The following LHFPL3 variants were observed in gnomAD, a reference collection of about 807,000 sequenced individuals.
LHFPL3 encodes the protein LHFPL tetraspan subfamily member 3 protein.
LHFPL3 carries 5 observed loss-of-function variants against 19.3 expected under a neutral mutation model. The ratio of observed to expected loss-of-function variants is 0.26; its 90% CI spans 0.14 to 0.54. The LOEUF (loss-of-function observed/expected upper bound fraction) is 0.54. Among genes scored for constraint, LHFPL3 ranks in the 20% least tolerant of loss-of-function variants. The pLI, the probability that LHFPL3 is intolerant of heterozygous loss-of-function variation, is 0.94. For missense variants in LHFPL3, 249 were observed against 307.4 expected (o/e 0.81, Z 1.42); for synonymous variants, 133 against 126.2 (o/e 1.05, Z -0.36).
rs548687377 is a variant in LHFPL3 at position 104,515,784 on chromosome 7, G to A, written c.445+186560G>A. Among the ~76,000 whole-genome samples the A allele has an allele frequency of 5.9e-5, 9 of 152,290 alleles. No homozygotes were observed. In the South Asian group the frequency reaches 1.7e-3, roughly 28 times the overall value. ...AGAGTTGGGTCTGTAGGTAGGGTGT[G>A]TAAGAGTTGCCTGTGGAAAATACTG... On this transcript the variant is annotated intron_variant, in intron 1 of 2. Coordinates refer to ENST00000424859, the MANE Select transcript of LHFPL3 (RefSeq NM_199000.3).
chr7:104,357,757 T>TTCC (rs143282110), intron 1 of LHFPL3, among the ~76,000 whole-genome samples: 13 of 151,372 alleles, frequency 8.6e-5, no homozygotes, highest in Admixed American at 3.9e-4. Context: ...ATTTCTCCTC[T>TTCC]TCCTCCTCCT....
intron 2 of LHFPL3, chr7:104,768,678 G>A (rs1490156561): frequency 6.6e-6 from 1 of 152,154 alleles, no homozygotes; most frequent in African/African-American, 2.4e-5. Context: ...CAAAGGATTA[G>A]GTTGACTTTT....
chr7:104,574,774 C>T (rs928162466), intron 1 of LHFPL3, among the ~76,000 whole-genome samples: 1 of 151,990 alleles, frequency 6.6e-6, no homozygotes, highest in Non-Finnish European at 1.5e-5. Flanking sequence ...TGAGATTTTT[C>T]CCCAGTCCCA....
At chr7:104,393,257 C>T (rs1369921425) in intron 1 of LHFPL3, among the ~76,000 whole-genome samples, 1 of 152,106 alleles carries the variant, frequency 6.6e-6, no homozygotes, top group Non-Finnish European at 1.5e-5. Context: ...AATAGTCTGG[C>T]AGTTTCTCCA....
At chr7:104,590,476 G>C (rs1387717124) in intron 1 of LHFPL3, among the ~76,000 whole-genome samples, 1 of 152,196 alleles carries the variant, frequency 6.6e-6, no homozygotes, top group Non-Finnish European at 1.5e-5. Flanking sequence ...TGGTCTGAGA[G>C]ACAGTTTGTT....
chr7:104,591,950 C>T (rs774474390), intron 1 of LHFPL3, among the ~76,000 whole-genome samples: 15 of 152,296 alleles, frequency 9.8e-5, no homozygotes, highest in Non-Finnish European at 1.6e-4. Context: ...TCTCGTGCCA[C>T]GGTTTTCAGC....
intron 1 of LHFPL3, among the ~76,000 whole-genome samples, chr7:104,444,834 C>T (rs1044663955): frequency 2.0e-5 from 3 of 152,014 alleles, no homozygotes; most frequent in Admixed American, 2.0e-4. Flanking sequence ...ACAAAAAATA[C>T]AAAATTAGCC....
chr7:104,760,052 T>TA (rs1490267890), intron 2 of LHFPL3, among the ~76,000 whole-genome samples: 1 of 152,160 alleles, frequency 6.6e-6, no homozygotes, highest in Non-Finnish European at 1.5e-5. Flanking sequence ...AGCTTACTAT[T>TA]AAAGTACTTG....
At chr7:104,496,560 G>T (rs1793486080) in intron 1 of LHFPL3, among the ~76,000 whole-genome samples, 1 of 152,060 alleles carries the variant, frequency 6.6e-6, no homozygotes, top group South Asian at 2.1e-4. Context: ...CTTCCACAAG[G>T]GTTGAACTAG....
chr7:104,891,187 A>G (rs1373827973), intron 2 of LHFPL3, among the ~76,000 whole-genome samples: 6 of 151,800 alleles, frequency 4.0e-5, no homozygotes, highest in Admixed American at 3.9e-4. Flanking sequence ...ATAAAAAAAA[A>G]ATTTGTTTTG....
At chr7:104,450,156 C>A (rs572995225) in intron 1 of LHFPL3, among the ~76,000 whole-genome samples, 1 of 152,240 alleles carries the variant, frequency 6.6e-6, no homozygotes, top group Non-Finnish European at 1.5e-5. Flanking sequence ...GAAAAAATTT[C>A]CTGAGCCTAT....
intron 2 of LHFPL3, among the ~76,000 whole-genome samples, chr7:104,876,495 C>T (rs993348670): frequency 2.0e-5 from 3 of 151,460 alleles, no homozygotes; most frequent in Non-Finnish European, 3.0e-5. Context: ...CAAAAGAAGA[C>T]ATTTATGCAG....
intron 1 of LHFPL3, among the ~76,000 whole-genome samples, chr7:104,729,942 G>GT (rs1442386484): frequency 2.0e-5 from 3 of 146,404 alleles, no homozygotes; most frequent in Admixed American, 7.0e-5. Flanking sequence ...TCCCCTTCCT[G>GT]TGTCCAAGTG....
intron 1 of LHFPL3, among the ~76,000 whole-genome samples, chr7:104,723,461 C>G (rs985569854): frequency 6.6e-6 from 1 of 152,124 alleles, no homozygotes; most frequent in African/African-American, 2.4e-5. Flanking sequence ...GTGGCTCACG[C>G]CTGTAATCCC....
intron 1 of LHFPL3, among the ~76,000 whole-genome samples, chr7:104,481,056 C>G (rs768495995): frequency 6.6e-6 from 1 of 152,104 alleles, no homozygotes; most frequent in Non-Finnish European, 1.5e-5. Flanking sequence ...CTGGGTGACA[C>G]AGTCATCATC....
chr7:104,414,425 T>G (rs1465927003), intron 1 of LHFPL3, among the ~76,000 whole-genome samples: 1 of 152,174 alleles, frequency 6.6e-6, no homozygotes, highest in Non-Finnish European at 1.5e-5. Context: ...TCATAGAGTT[T>G]CTTAGAAGCC....
At chr7:104,787,925 T>C (rs1416767888) in intron 2 of LHFPL3, among the ~76,000 whole-genome samples, 1 of 152,184 alleles carries the variant, frequency 6.6e-6, no homozygotes, top group Non-Finnish European at 1.5e-5. Flanking sequence ...AATACCGTCA[T>C]GTTGGGGGTT....
intron 1 of LHFPL3, among the ~76,000 whole-genome samples, chr7:104,633,632 T>G (rs1373842842): frequency 6.6e-6 from 1 of 152,218 alleles, no homozygotes; most frequent in Non-Finnish European, 1.5e-5. Flanking sequence ...CACTTGTTCA[T>G]TACAATATGG....
intron 2 of LHFPL3, among the ~76,000 whole-genome samples, chr7:104,751,974 CTGGG>C (rs1794181844): frequency 6.6e-6 from 1 of 152,090 alleles, no homozygotes. Flanking sequence ...CCCTGTGGTG[CTGGG>C]GGCATTCCTG....
Sources: allele counts gnomAD v4.1 joint callset (sites outside exome capture counted in the v4.1 genomes callset), GRCh38; gene constraint gnomAD v4.1.1; transcripts MANE v1.5; gene names NCBI Gene and HGNC (gene_info 2026-07-23, HGNC 2026-07-21).